POLK: variants seen among roughly 807,000 people sequenced by gnomAD.
The protein encoded by POLK is DNA polymerase kappa.
Under a neutral mutation model 94.0 loss-of-function variants are expected in POLK, and 76 were observed. The observed-to-expected ratio is 0.81, with a 90% confidence interval of 0.67 to 0.98. The LOEUF (loss-of-function observed/expected upper bound fraction) is 0.98, where lower values mean the gene tolerates loss of function less well. POLK is among the 50% of genes least tolerant of loss of function. The pLI is 0.00. For synonymous variants in POLK, 349 were observed against 325.4 expected (o/e 1.07, Z -0.78); for missense variants, 954 against 1,010.1 (o/e 0.94, Z 0.75).
In POLK at chr5:75,570,417, C is replaced by G. The variant is rs541831910; in HGVS notation, c.408+925C>G. On this transcript the variant is annotated intron_variant, in intron 4 of 14. Coordinates refer to ENST00000241436, the Ensembl canonical transcript of POLK. ...GCTTTTTATTGGAACAAAGTCACACCCATTTATTTATTACTATTGTTGCAC... is the reference window on the plus strand; with the variant it reads ...GCTTTTTATTGGAACAAAGTCACACGCATTTATTTATTACTATTGTTGCAC... 5.9e-5 allele frequency among the ~76,000 whole-genome samples: 9 copies of G among 152,184 alleles called. No individual in the cohort carries two copies. The South Asian group carries it at 1.9e-3, about 32-fold the overall frequency.
downstream of POLK, among the ~76,000 whole-genome samples, chr5:75,603,365 C>G (rs998117075): frequency 1.3e-5 from 2 of 151,504 alleles, no homozygotes; most frequent in African/African-American, 4.9e-5. Context: ...CTGCTCTAAA[C>G]CATCTTATGC....
At chr5:75,521,190 T>C (rs5744554) in intron 1 of POLK, among the ~76,000 whole-genome samples, 1,910 of 152,276 alleles carry the variant, frequency 0.013, 38 homozygotes, top group African/African-American at 0.043. Context: ...ATAAACTTTC[T>C]ACTCCTGCTC....
downstream of POLK, among the ~76,000 whole-genome samples, chr5:75,602,309 G>A (rs1328156572): frequency 6.6e-6 from 1 of 152,094 alleles, no homozygotes; most frequent in Non-Finnish European, 1.5e-5. Context: ...ACAGACATTC[G>A]CCATGATTCA....
Position 75,596,224 on chromosome 5 carries a change from G to A in POLK, c.1531G>A (p.Val511Ile). The A allele has an allele frequency of 6.5e-7, 1 of 1,546,962 alleles. No homozygotes were observed. Among genetic ancestry groups the A allele is most frequent in the Non-Finnish European group, 8.8e-7 (1 of 1,132,760 alleles). ...TGATTGTGATTGGTTTAATTTAGGTGTTCGGATATCTAGTTTTCCCAATGA... is the reference window on the plus strand; with the variant it reads ...TGATTGTGATTGGTTTAATTTAGGTATTCGGATATCTAGTTTTCCCAATGA... Residue 511 changes from valine (V) to isoleucine (I), a missense_variant and splice_region_variant, in exon 13 of 15, where the codon GTT becomes ATT. Physicochemically the swap from Val to Ile is conservative, Grantham distance 29. Coordinates refer to ENST00000241436, the Ensembl canonical transcript of POLK.
rs148186564 is a variant in POLK, at chr5:75,550,690, T to C, written c.136-1782T>C. Among the ~76,000 whole-genome samples the C allele has an allele frequency of 7.4e-4, 113 of 152,280 alleles. 1 individual carries two copies. Among genetic ancestry groups the C allele is most frequent in the African/African-American group, 2.6e-3 (109 of 41,570 alleles). Reference sequence around the variant, plus strand: ...CATCTTAGTAGACTCAGAAAAAGCATATTTGATAAAATCCCACCACTATTC... The same window carrying C: ...CATCTTAGTAGACTCAGAAAAAGCACATTTGATAAAATCCCACCACTATTC... On this transcript the variant is annotated intron_variant, in intron 2 of 14. Coordinates refer to ENST00000241436, the Ensembl canonical transcript of POLK.
At chr5:75,596,530 T>A (rs771611478) in exon 13 of POLK, 1 of 1,613,982 alleles carries the variant, frequency 6.2e-7, no homozygotes, top group Non-Finnish European at 8.5e-7. Flanking sequence ...TTTGGAAATA[T>A]CAGAGAATTC....
At position 75,512,123 on chromosome 5, in the gene POLK, A is replaced by G. The variant is rs1050887557; in HGVS notation, c.-14+209A>G. The G allele has an allele frequency of 1.6e-4, 41 of 254,278 alleles. No homozygotes were observed. The East Asian group carries it at 3.4e-3, about 21-fold the overall frequency. 15.8% of individuals were successfully genotyped at this position (254,278 alleles called of 1,614,324 possible). Reference sequence around the variant, plus strand: ...CCTGCTTTCCAGGGCGGCTTGTCGAAAGCCCGGGAGCATCTGGCCGCTTCC... The same window carrying G: ...CCTGCTTTCCAGGGCGGCTTGTCGAGAGCCCGGGAGCATCTGGCCGCTTCC... On this transcript the variant is annotated intron_variant, in intron 1 of 14. Coordinates refer to ENST00000241436, the Ensembl canonical transcript of POLK.
At chr5:75,541,421 A>G (rs1769736069) in intron 1 of POLK, among the ~76,000 whole-genome samples, 1 of 152,388 alleles carries the variant, frequency 6.6e-6, no homozygotes, top group Non-Finnish European at 1.5e-5. Context: ...GATAATTTCC[A>G]CTTATTGTTC....
At chr5:75,562,185 G>T (rs1162849157) in intron 3 of POLK, among the ~76,000 whole-genome samples, 1 of 152,122 alleles carries the variant, frequency 6.6e-6, no homozygotes, top group Non-Finnish European at 1.5e-5. Flanking sequence ...TTATTTGCAT[G>T]AGCAGTGGTT....
intron 14 of POLK, 59 bp downstream of exon 14, chr5:75,597,848 T>A: frequency 2.5e-6 from 3 of 1,190,164 alleles, no homozygotes; most frequent in South Asian, 3.3e-5. Context: ...AATTATTTTA[T>A]AAATTATTAA....
At chr5:75,586,958 A>T in intron 9 of POLK, 68 bp from the exon 10 acceptor site, 1 of 1,108,008 alleles carries the variant, frequency 9.0e-7, no homozygotes, top group South Asian at 1.4e-5. Context: ...TGATAATGTT[A>T]AATCCTCTTG....
intron 1 of POLK, among the ~76,000 whole-genome samples, chr5:75,532,357 T>A (rs566646528): frequency 6.6e-6 from 1 of 152,322 alleles, no homozygotes; most frequent in South Asian, 2.1e-4. Flanking sequence ...CTATGTTAGT[T>A]TGCTTAGTAT....
chr5:75,539,579 TA>T (rs1769631187), intron 1 of POLK, among the ~76,000 whole-genome samples: 1 of 152,158 alleles, frequency 6.6e-6, no homozygotes, highest in Admixed American at 6.5e-5. Flanking sequence ...TACTGCAGCC[TA>T]GACCTACTAG....
chr5:75,571,135 GTTA>G (rs1168171719), intron 4 of POLK, among the ~76,000 whole-genome samples: 2 of 151,928 alleles, frequency 1.3e-5, no homozygotes, highest in East Asian at 3.8e-4. Context: ...CTAAAAATCA[GTTA>G]TTGTTTCTAA....
At chr5:75,525,745 G>C (rs1768809117) in intron 1 of POLK, among the ~76,000 whole-genome samples, 1 of 152,208 alleles carries the variant, frequency 6.6e-6, no homozygotes, top group Non-Finnish European at 1.5e-5. Flanking sequence ...CATCTTTAAA[G>C]TACTGAAAGA....
At chr5:75,546,860 T>C in intron 1 of POLK, 150 bp from the exon 2 acceptor site, 1 of 367,424 alleles carries the variant, frequency 2.7e-6, no homozygotes, top group Non-Finnish European at 5.1e-6. Context: ...AGAGACAGGG[T>C]TTCACCATGT....
chr5:75,547,029 A>T, exon 2 of POLK: 1 of 1,499,472 alleles, frequency 6.7e-7, no homozygotes, highest in Non-Finnish European at 9.0e-7. Flanking sequence ...TACCATGGAT[A>T]GCACAAAGGA....
At position 75,534,265 on chromosome 5, in the gene POLK, TAA is replaced by T. The variant is rs540377049; in HGVS notation, c.-13-12729_-13-12728del. On this transcript the variant is annotated intron_variant, in intron 1 of 14. Transcript: ENST00000241436. ...TGGATGACAGAGCGAGACCCTGTCT[TAA>T]AAAAAAAAAAAAAAAGCTTTTGGGC... is the stretch of plus-strand genomic sequence containing the variant. Among the ~76,000 whole-genome samples, 411 of 124,670 alleles carry T rather than the reference TAA, an allele frequency of 3.3e-3. 1 individual carries two copies. The highest frequency in any genetic ancestry group is 0.031 in the East Asian group (139 of 4,464). The allele number at this position is 124,670 out of a possible 152,430, so 81.8% of individuals were successfully genotyped here. A position where few individuals can be genotyped will look rare whatever the true frequency, so the allele number is the denominator to read the frequency against.
chr5:75,607,204 C>G, the POLK span, among the ~76,000 whole-genome samples: 3 of 152,084 alleles, frequency 2.0e-5, no homozygotes, highest in African/African-American at 7.2e-5. Flanking sequence ...CGGTGTCTCA[C>G]GCCTGTAATC....
Sources: gnomAD v4.1 joint callset for allele counts (sites outside exome capture counted in the v4.1 genomes callset) on GRCh38, gnomAD v4.1.1 for gene constraint, MANE v1.5 for transcripts, NCBI Gene and HGNC (gene_info 2026-07-23, HGNC 2026-07-21) for gene names.